The following ASCC3 variants were observed in gnomAD, a reference collection of about 807,000 sequenced individuals.
ASCC3 encodes the protein ASC-1 complex subunit P200.
In ASCC3, 158 loss-of-function variants were observed where a neutral mutation model predicts 256.3. The ratio of observed to expected loss-of-function variants is 0.62; its 90% CI spans 0.54 to 0.70. ASCC3 has a LOEUF of 0.70. ASCC3 is among the 30% of genes least tolerant of loss of function. The pLI is 0.00. For synonymous variants in ASCC3, 948 were observed against 883.4 expected (o/e 1.07, Z -1.30); for missense variants, 2,259 against 2,626.0 (o/e 0.86, Z 3.05).
chr6:100,848,068 C>T, intron 4 of ASCC3, 80 bp downstream of exon 4: 2 of 1,370,546 alleles, frequency 1.5e-6, no homozygotes, highest in Non-Finnish European at 2.0e-6. Context: ...ACTTTCTTTG[C>T]TAACCACCCA....
chr6:100,797,731 T>C (rs1769702841), intron 8 of ASCC3, among the ~76,000 whole-genome samples: 1 of 152,096 alleles, frequency 6.6e-6, no homozygotes, highest in Non-Finnish European at 1.5e-5. Flanking sequence ...ACTTGGATTA[T>C]AAAAATGTTC....
chr6:100,834,171 C>T lies in ASCC3; in HGVS notation c.801+13977G>A, dbSNP rs564474801. On this transcript the variant is annotated intron_variant, in intron 4 of 41. Coordinates refer to ENST00000369162, the MANE Select transcript of ASCC3 (RefSeq NM_006828.4). The stretch of plus-strand genomic sequence containing the variant: ...AAAAGGAGGGAATCAGTGACTAATA[C>T]AAGGTTGTTTTCTATGAGATTTGTC... Among the ~76,000 whole-genome samples the T allele has an allele frequency of 1.5e-4, 23 of 152,236 alleles. 1 individual carries two copies. In the South Asian group the frequency reaches 4.6e-3, roughly 30 times the overall value.
intron 11 of ASCC3, among the ~76,000 whole-genome samples, chr6:100,724,388 G>A (rs1779522994): frequency 6.6e-6 from 1 of 151,854 alleles, no homozygotes; most frequent in African/African-American, 2.4e-5. Context: ...TTAGTCAAAA[G>A]GGAAATTGAA....
At chr6:100,532,716 TA>T (rs1774977581) in intron 37 of ASCC3, among the ~76,000 whole-genome samples, 1 of 152,076 alleles carries the variant, frequency 6.6e-6, no homozygotes, top group South Asian at 2.1e-4. Flanking sequence ...AATGACACAT[TA>T]AAACTGCTTT....
At chr6:100,813,308 T>A (rs993045643) in intron 4 of ASCC3, among the ~76,000 whole-genome samples, 14 of 151,728 alleles carry the variant, frequency 9.2e-5, no homozygotes, top group Non-Finnish European at 1.5e-4. Context: ...ATACAAAAAA[T>A]TTAGCTGGGC....
At chr6:100,574,494 T>C (rs182216858) in intron 36 of ASCC3, among the ~76,000 whole-genome samples, 160 of 152,114 alleles carry the variant, frequency 1.1e-3, no homozygotes, top group African/African-American at 3.5e-3. Flanking sequence ...GGTTGGGCCA[T>C]TTTCTATTTT....
At chr6:100,756,429 T>TA (rs1781182867) in intron 10 of ASCC3, among the ~76,000 whole-genome samples, 1 of 152,206 alleles carries the variant, frequency 6.6e-6, no homozygotes, top group South Asian at 2.1e-4. Flanking sequence ...TAAACTTTCT[T>TA]AATAATCTTT....
chr6:100,689,061 T>C (rs953315046), intron 13 of ASCC3, among the ~76,000 whole-genome samples: 1 of 152,144 alleles, frequency 6.6e-6, no homozygotes, highest in African/African-American at 2.4e-5. Flanking sequence ...GTTAGCCATG[T>C]TTTTCACTTA....
chr6:100,765,564 C>G (rs1170281478), intron 10 of ASCC3, among the ~76,000 whole-genome samples: 1 of 152,146 alleles, frequency 6.6e-6, no homozygotes, highest in Non-Finnish European at 1.5e-5. Context: ...TTCAAATTGT[C>G]CTGCCTTTCC....
intron 36 of ASCC3, among the ~76,000 whole-genome samples, chr6:100,585,419 T>C (rs1215122228): frequency 2.0e-5 from 3 of 152,238 alleles, no homozygotes; most frequent in Non-Finnish European, 4.4e-5. Flanking sequence ...GAGCCTTGGC[T>C]TTCAGCTCCA....
At chr6:100,799,378 A>T in intron 7 of ASCC3, 53 bp downstream of exon 7, 1 of 1,591,610 alleles carries the variant, frequency 6.3e-7, no homozygotes, top group Non-Finnish European at 8.6e-7. Flanking sequence ...TCCACACATC[A>T]TTTCTTTAGA....
intron 39 of ASCC3, 111 bp downstream of exon 39, chr6:100,516,069 A>T: frequency 7.7e-7 from 1 of 1,299,382 alleles, no homozygotes; most frequent in African/African-American, 1.5e-5. Context: ...TGGCAGAGAC[A>T]ATTTAACTCA....
chr6:100,607,366 T>A (rs1182910310), intron 30 of ASCC3, among the ~76,000 whole-genome samples: 1 of 151,976 alleles, frequency 6.6e-6, no homozygotes, highest in Non-Finnish European at 1.5e-5. Flanking sequence ...CTTTAATGAG[T>A]AACAACCATT....
chr6:100,708,954 A>G (rs1031121857), intron 13 of ASCC3, among the ~76,000 whole-genome samples: 6 of 152,074 alleles, frequency 3.9e-5, no homozygotes, highest in African/African-American at 1.4e-4. Context: ...ACAATTGCCA[A>G]TTAAGAAAAA....
At chr6:100,537,121 T>A (rs1396424171) in intron 37 of ASCC3, among the ~76,000 whole-genome samples, 1 of 152,124 alleles carries the variant, frequency 6.6e-6, no homozygotes. Context: ...AATATATTTA[T>A]TAATTACAAA....
chr6:100,680,374 G>A (rs9390580), intron 13 of ASCC3, among the ~76,000 whole-genome samples: 11,071 of 152,054 alleles, frequency 0.073, 899 homozygotes, highest in East Asian at 0.3. Flanking sequence ...TTCAGGGACA[G>A]TCACCAGGCA....
At chr6:100,741,513 T>C (rs1172159103) in intron 10 of ASCC3, among the ~76,000 whole-genome samples, 1 of 152,202 alleles carries the variant, frequency 6.6e-6, no homozygotes, top group Non-Finnish European at 1.5e-5. Context: ...CTCGTTTAGG[T>C]ACCCCAATCA....
chr6:100,646,008 GAA>G (rs1340254800), intron 22 of ASCC3, among the ~76,000 whole-genome samples: 2 of 151,950 alleles, frequency 1.3e-5, no homozygotes, highest in African/African-American at 2.4e-5. Context: ...AAAAAGGAAA[GAA>G]TATTAATTTA....
At chr6:100,773,092 G>A (rs1477570304) in intron 8 of ASCC3, among the ~76,000 whole-genome samples, 1 of 152,100 alleles carries the variant, frequency 6.6e-6, no homozygotes, top group African/African-American at 2.4e-5. Context: ...GAGAAAGCTT[G>A]TTTAAGTTCA....
Sources: gnomAD v4.1 joint callset for allele counts (sites outside exome capture counted in the v4.1 genomes callset) on GRCh38, gnomAD v4.1.1 for gene constraint, MANE v1.5 for transcripts, NCBI Gene and HGNC (gene_info 2026-07-23, HGNC 2026-07-21) for gene names.